DLG2: variants seen among roughly 807,000 people sequenced by gnomAD.
The protein encoded by DLG2 is discs large MAGUK scaffold protein 2.
Under a neutral mutation model 132.5 loss-of-function variants are expected in DLG2, and 45 were observed. The ratio of observed to expected loss-of-function variants is 0.34; its 90% confidence interval spans 0.27 to 0.44. The LOEUF is 0.44. DLG2 is among the 20% of genes least tolerant of loss of function. The pLI is 1.00. For missense variants in DLG2, 1,045 were observed against 1,196.9 expected, an observed-to-expected ratio of 0.87 and a Z score of 1.87; for synonymous variants, 424 against 419.6, an observed-to-expected ratio of 1.01 and a Z score of -0.13.
chr11:85,070,157 G>T (rs2065610900), intron 6 of DLG2, among the ~76,000 whole-genome samples: 1 of 151,934 alleles, frequency 6.6e-6, no homozygotes, highest in African/African-American at 2.4e-5. Flanking sequence ...CTGTCGTGGG[G>T]TGGGTGGAGA....
intron 9 of DLG2, among the ~76,000 whole-genome samples, chr11:84,124,283 C>T (rs1404050247): frequency 2.6e-5 from 4 of 152,262 alleles, no homozygotes; most frequent in Middle Eastern, 3.4e-3. Flanking sequence ...ATGTGATCTC[C>T]GTGTCCTCTG....
At chr11:84,347,228 G>A (rs2098543211) in intron 7 of DLG2, among the ~76,000 whole-genome samples, 2 of 152,240 alleles carry the variant, frequency 1.3e-5, no homozygotes, top group African/African-American at 4.8e-5. Context: ...GGGTGGGGGT[G>A]AAGGCTAGAG....
intron 3 of DLG2, among the ~76,000 whole-genome samples, chr11:85,451,675 G>C (rs1185081013): frequency 2.6e-5 from 4 of 152,114 alleles, no homozygotes; most frequent in Non-Finnish European, 5.9e-5. Context: ...TAGATAATTT[G>C]TATATAGTAC....
At chr11:83,681,185 C>G (rs1286262906) in intron 18 of DLG2, among the ~76,000 whole-genome samples, 1 of 152,100 alleles carries the variant, frequency 6.6e-6, no homozygotes, top group African/African-American at 2.4e-5. Flanking sequence ...AAAAAAAGTA[C>G]GTCAAGCTGT....
At chr11:84,344,161 G>A (rs138410707) in intron 7 of DLG2, among the ~76,000 whole-genome samples, 97 of 152,296 alleles carry the variant, frequency 6.4e-4, no homozygotes, top group Non-Finnish European at 1.1e-3. Flanking sequence ...ACAGAGTCCA[G>A]TTTGAAGCCT....
intron 7 of DLG2, among the ~76,000 whole-genome samples, chr11:84,425,655 A>T (rs2098963996): frequency 1.3e-5 from 2 of 152,148 alleles, no homozygotes. Flanking sequence ...CAAGAGACAA[A>T]ATCATCCTAC....
At chr11:84,868,868 A>G (rs1205113369) in intron 6 of DLG2, among the ~76,000 whole-genome samples, 1 of 152,232 alleles carries the variant, frequency 6.6e-6, no homozygotes, top group East Asian at 1.9e-4. Context: ...ACAAGCAAAT[A>G]ATTATTGAAT....
intron 3 of DLG2, among the ~76,000 whole-genome samples, chr11:85,504,976 T>C (rs2093894467): frequency 6.6e-6 from 1 of 152,214 alleles, no homozygotes; most frequent in South Asian, 2.1e-4. Context: ...TTGAAGCAAT[T>C]GTGAATGGAA....
At chr11:83,482,922 T>C (rs1048087569) in intron 22 of DLG2, among the ~76,000 whole-genome samples, 2 of 152,144 alleles carry the variant, frequency 1.3e-5, no homozygotes, top group African/African-American at 4.8e-5. Context: ...TCTTTCAACA[T>C]GGTTTCTTGC....
chr11:84,725,789 T>C (rs940159184), intron 6 of DLG2, among the ~76,000 whole-genome samples: 10 of 152,110 alleles, frequency 6.6e-5, no homozygotes, highest in Non-Finnish European at 1.5e-4. Context: ...GTCATCTTTA[T>C]CTGGTTTGTA....
intron 17 of DLG2, among the ~76,000 whole-genome samples, chr11:83,792,806 C>T (rs530242726): frequency 2.0e-5 from 3 of 152,086 alleles, no homozygotes; most frequent in Non-Finnish European, 4.4e-5. Flanking sequence ...TAATAAATAT[C>T]ATCTAACAGT....
At position 84,843,001 on chromosome 11, in the gene DLG2, G is replaced by C. The variant is rs571435741; in HGVS notation, c.357+268660C>G. On this transcript the variant is annotated intron_variant, in intron 6 of 27. Transcript: ENST00000376104. ...CTTCATAGTAAGAACAAAGAATACT[G>C]TTCAATGGGTATAAAGTTTAAGTTA... Among the ~76,000 whole-genome samples, 7 of 152,008 alleles carry C rather than the reference G, an allele frequency of 4.6e-5. No homozygotes were observed. In the South Asian group the frequency reaches 1.5e-3, roughly 32 times the overall value.
intron 6 of DLG2, among the ~76,000 whole-genome samples, chr11:84,554,841 G>A (rs1402427439): frequency 2.0e-5 from 3 of 152,182 alleles, no homozygotes; most frequent in Non-Finnish European, 4.4e-5. Flanking sequence ...GAATGTCAAG[G>A]ATGCTTTCTG....
intron 10 of DLG2, among the ~76,000 whole-genome samples, chr11:84,065,325 C>T (rs2096654647): frequency 2.0e-5 from 3 of 152,052 alleles, no homozygotes; most frequent in Admixed American, 2.0e-4. Flanking sequence ...ACTCATTCAA[C>T]AAAGGTCTAA....
chr11:85,114,152 C>T (rs966772800), intron 5 of DLG2, among the ~76,000 whole-genome samples: 94 of 151,940 alleles, frequency 6.2e-4, no homozygotes, highest in Non-Finnish European at 1.1e-3. Context: ...AATTCTTTTT[C>T]CTCGAAGTCT....
At chr11:84,533,511 G>A (rs2099347730) in intron 7 of DLG2, among the ~76,000 whole-genome samples, 2 of 152,008 alleles carry the variant, frequency 1.3e-5, no homozygotes, top group South Asian at 2.1e-4. Flanking sequence ...TTATGTATTG[G>A]TAGTAGCTAT....
At chr11:85,388,598 A>G (rs1294118044) in intron 3 of DLG2, among the ~76,000 whole-genome samples, 1 of 151,956 alleles carries the variant, frequency 6.6e-6, no homozygotes, top group Non-Finnish European at 1.5e-5. Context: ...AGAACACTTC[A>G]CTCCCCTGCT....
intron 5 of DLG2, among the ~76,000 whole-genome samples, chr11:85,146,613 G>A (rs1470205870): frequency 6.6e-6 from 1 of 152,102 alleles, no homozygotes; most frequent in African/African-American, 2.4e-5. Flanking sequence ...CAGGTTGCAA[G>A]ATGAAGTCCT....
At chr11:83,740,997 A>C (rs1324163340) in intron 18 of DLG2, among the ~76,000 whole-genome samples, 2 of 152,178 alleles carry the variant, frequency 1.3e-5, no homozygotes, top group African/African-American at 2.4e-5. Flanking sequence ...AGTTTGGTTC[A>C]ACATACCCAA....
Sources: gnomAD v4.1 joint callset for allele counts (sites outside exome capture counted in the v4.1 genomes callset) on GRCh38, gnomAD v4.1.1 for gene constraint, MANE v1.5 for transcripts, NCBI Gene and HGNC (gene_info 2026-07-23, HGNC 2026-07-21) for gene names.